Variants in BCAR3 observed in about 807,000 individuals in gnomAD.
BCAR3 encodes BCAR3 adaptor protein, NSP family member.
BCAR3 carries 37 observed loss-of-function variants against 80.1 expected under a neutral mutation model. The observed-to-expected ratio is 0.46, with a 90% CI of 0.36 to 0.61. The LOEUF is 0.61. BCAR3 is among the 20% of genes least tolerant of loss of function. BCAR3 has a pLI of 0.00. For synonymous variants in BCAR3, 389 were observed against 418.9 expected, an observed-to-expected ratio of 0.93 and a Z score of 0.87; for missense variants, 978 against 1,068.2, an observed-to-expected ratio of 0.92 and a Z score of 1.18.
upstream of BCAR3, among the ~76,000 whole-genome samples, chr1:93,682,910 C>CA (rs1356973400): frequency 1.3e-5 from 2 of 151,904 alleles, no homozygotes; most frequent in Non-Finnish European, 2.9e-5. Flanking sequence ...AGAAAATGTC[C>CA]AAAAAAATCT....
chr1:93,788,168 A>G (rs942761481), intron 2 of BCAR3, among the ~76,000 whole-genome samples: 6 of 151,892 alleles, frequency 4.0e-5, no homozygotes, highest in African/African-American at 1.5e-4. Context: ...ATTTCTGTGG[A>G]ATGTCTTTTT....
rs113778889 is a variant in BCAR3 at position 93,822,118 on chromosome 1, T to C, written c.-63+23449A>G. Reference sequence around the variant, plus strand: ...GCCAGAAACAGTGTGGGCAAAGGCATTGAGGCATTAAAGAACAGAGAAGGT... The same window carrying C: ...GCCAGAAACAGTGTGGGCAAAGGCACTGAGGCATTAAAGAACAGAGAAGGT... On this transcript the variant is annotated intron_variant, in intron 2 of 13. Coordinates refer to the BCAR3 transcript ENST00000370244. Among the ~76,000 whole-genome samples, 113 of 152,038 alleles carry C rather than the reference T, an allele frequency of 7.4e-4. 1 individual carries two copies. Among genetic ancestry groups the C allele is most frequent in the African/African-American group, 2.1e-3 (89 of 41,492 alleles).
chr1:93,684,433 C>T (rs879539587), upstream of BCAR3, among the ~76,000 whole-genome samples: 5 of 152,122 alleles, frequency 3.3e-5, no homozygotes, highest in African/African-American at 4.8e-5. Context: ...GAATATATGC[C>T]CACCTCACAG....
At chr1:93,596,131 C>G (rs1285981873) in intron 3 of BCAR3, among the ~76,000 whole-genome samples, 1 of 152,220 alleles carries the variant, frequency 6.6e-6, no homozygotes, top group East Asian at 1.9e-4. Flanking sequence ...CTAATTTATT[C>G]TACGAATGCC....
intron 3 of BCAR3, among the ~76,000 whole-genome samples, chr1:93,631,464 G>GCATT (rs1675616317): frequency 2.0e-5 from 3 of 152,128 alleles, no homozygotes; most frequent in South Asian, 4.2e-4. Context: ...AACCTTCCAG[G>GCATT]CCAATGGGAA....
intron 2 of BCAR3, among the ~76,000 whole-genome samples, chr1:93,805,326 G>A (rs988719615): frequency 1.3e-5 from 2 of 152,230 alleles, no homozygotes; most frequent in Non-Finnish European, 2.9e-5. Context: ...CTCCACAGAA[G>A]ATGAGAGGTG....
At chr1:93,643,075 A>G (rs1676035454) in intron 2 of BCAR3, among the ~76,000 whole-genome samples, 1 of 152,066 alleles carries the variant, frequency 6.6e-6, no homozygotes, top group South Asian at 2.1e-4. Flanking sequence ...TAAAAATACA[A>G]AATTAGCTGG....
At chr1:93,772,488 T>A (rs574828309) in intron 2 of BCAR3, among the ~76,000 whole-genome samples, 1 of 152,374 alleles carries the variant, frequency 6.6e-6, no homozygotes, top group East Asian at 1.9e-4. Context: ...TTTCCCAGCA[T>A]CTATCTCTGC....
intron 2 of BCAR3, among the ~76,000 whole-genome samples, chr1:93,818,351 C>A (rs59653321): frequency 0.01 from 1,558 of 152,328 alleles, 31 homozygotes; most frequent in African/African-American, 0.036. Context: ...TGTCTACCGC[C>A]TCCTTCTCAG....
intron 2 of BCAR3, among the ~76,000 whole-genome samples, chr1:93,708,474 T>C (rs1385460504): frequency 6.6e-6 from 1 of 152,228 alleles, no homozygotes; most frequent in Non-Finnish European, 1.5e-5. Context: ...GTGTGGACAC[T>C]TTACAAATTG....
At chr1:93,751,543 T>C (rs1331259013) in intron 2 of BCAR3, among the ~76,000 whole-genome samples, 1 of 152,182 alleles carries the variant, frequency 6.6e-6, no homozygotes, top group East Asian at 1.9e-4. Flanking sequence ...CAAACAGCCA[T>C]GTAACTTCAC....
intron 2 of BCAR3, among the ~76,000 whole-genome samples, chr1:93,649,847 G>C (rs1464316307): frequency 6.6e-6 from 1 of 150,486 alleles, no homozygotes; most frequent in Non-Finnish European, 1.5e-5. Context: ...TATTCCGTAA[G>C]GTAGATTTGT....
intron 2 of BCAR3, among the ~76,000 whole-genome samples, chr1:93,798,611 T>C (rs897278520): frequency 6.6e-6 from 1 of 152,226 alleles, no homozygotes; most frequent in African/African-American, 2.4e-5. Context: ...TATTTGATTT[T>C]TGGCCAGTTA....
chr1:93,564,977 C>T (rs237435), intron 11 of BCAR3, among the ~76,000 whole-genome samples: 118,308 of 152,146 alleles, frequency 0.78, 46,428 homozygotes, highest in African/African-American at 0.87. Context: ...GTTTGTTCTG[C>T]CATTAAATAT....
intron 2 of BCAR3, among the ~76,000 whole-genome samples, chr1:93,820,680 G>A (rs541750986): frequency 6.6e-5 from 10 of 152,250 alleles, no homozygotes; most frequent in African/African-American, 2.4e-4. Context: ...GAATAACGTT[G>A]TTTAGGGTTT....
At chr1:93,676,009 C>T (rs1648469187) in intron 1 of BCAR3, among the ~76,000 whole-genome samples, 1 of 145,784 alleles carries the variant, frequency 6.9e-6, no homozygotes, top group Non-Finnish European at 1.5e-5. Flanking sequence ...TGATATCAGA[C>T]TCTGGTCTGG....
In BCAR3 at chr1:93,834,146, C is replaced by T. The variant is rs942261015; in HGVS notation, c.-63+11421G>A. Among the ~76,000 whole-genome samples, 10 of 152,276 alleles carry T rather than the reference C, an allele frequency of 6.6e-5. No homozygotes were observed. In the Middle Eastern group the frequency reaches 0.01, roughly 155 times the overall value. On this transcript the variant is annotated intron_variant, in intron 2 of 13. Coordinates refer to the BCAR3 transcript ENST00000370244. ...AATGCCAATATCCCATCCCACAGCA[C>T]GCTTTAAAAGGATTAAAGCCTGTTA...
chr1:93,698,292 T>G (rs1364567363), intron 3 of BCAR3, among the ~76,000 whole-genome samples: 1 of 152,234 alleles, frequency 6.6e-6, no homozygotes, highest in Non-Finnish European at 1.5e-5. Context: ...AAGGGGAGCC[T>G]ATTTCTAATC....
intron 2 of BCAR3, among the ~76,000 whole-genome samples, chr1:93,803,335 C>T (rs1185792144): frequency 3.9e-5 from 6 of 152,116 alleles, no homozygotes; most frequent in African/African-American, 7.2e-5. Context: ...TCAAAGAAAC[C>T]GCCACTCTAA....
Sources: allele counts gnomAD v4.1 joint callset (sites outside exome capture counted in the v4.1 genomes callset), GRCh38; gene constraint gnomAD v4.1.1; transcripts MANE v1.5; gene names NCBI Gene and HGNC (gene_info 2026-07-23, HGNC 2026-07-21).